ADAMTS12: variants seen among roughly 807,000 people sequenced by gnomAD.
ADAMTS12 encodes the protein ADAM metallopeptidase with thrombospondin type 1 motif 12, also known as A disintegrin and metalloproteinase with thrombospondin motifs 12.
ADAMTS12 carries 118 observed loss-of-function variants against 167.8 expected under a neutral mutation model. The observed-to-expected ratio is 0.70, with a 90% confidence interval of 0.61 to 0.82. The LOEUF (loss-of-function observed/expected upper bound fraction) is 0.82. Among genes scored for constraint, ADAMTS12 ranks in the 40% least tolerant of loss-of-function variants. The pLI is 0.00. For synonymous variants in ADAMTS12, 704 were observed against 716.9 expected (o/e 0.98, Z 0.29); for missense variants, 1,916 against 1,998.8 (o/e 0.96, Z 0.79).
At chr5:33,632,612 T>C (rs6897038) in intron 12 of ADAMTS12, among the ~76,000 whole-genome samples, 119,775 of 152,092 alleles carry the variant, frequency 0.79, 48,670 homozygotes, top group Non-Finnish European at 0.89. Flanking sequence ...GCTCCATTTC[T>C]GGTAGCACGA....
rs572512475 is a variant in ADAMTS12 at position 33,799,371 on chromosome 5, C to A, written c.490-47823G>T. Among the ~76,000 whole-genome samples, 5 of 152,284 alleles carry A rather than the reference C, an allele frequency of 3.3e-5. No individual in the cohort carries two copies. The South Asian group carries it at 1.0e-3, about 32-fold the overall frequency. ...CTCACTGAGACTCATTCTACCTCAC[C>A]CTTTCCCAAGGGGCTGCTCATACTT... On this transcript the variant is annotated intron_variant, in intron 2 of 23. Transcript: ENST00000504830.
chr5:33,823,774 G>A lies in ADAMTS12; in HGVS notation c.489+57345C>T, dbSNP rs540732239. Among the ~76,000 whole-genome samples, 11 of 151,402 alleles carry A rather than the reference G, an allele frequency of 7.3e-5. No homozygotes were observed. The South Asian group carries it at 8.3e-4, about 11-fold the overall frequency. ...CAAATAAAATATGTTGTATGTCTTC[G>A]TTAATCCGTTTCAGAATGACCCTTG... On this transcript the variant is annotated intron_variant, in intron 2 of 23. Coordinates refer to ENST00000504830, the MANE Select transcript of ADAMTS12 (RefSeq NM_030955.4).
intron 2 of ADAMTS12, among the ~76,000 whole-genome samples, chr5:33,872,563 G>A (rs80089642): frequency 6.7e-6 from 1 of 149,346 alleles, no homozygotes. Context: ...AAAAAAGAAA[G>A]AAAGAAAAGA....
intron 2 of ADAMTS12, among the ~76,000 whole-genome samples, chr5:33,769,935 T>C (rs909766514): frequency 6.6e-5 from 10 of 152,212 alleles, no homozygotes; most frequent in African/African-American, 1.9e-4. Context: ...AGGTAAAGTA[T>C]GTATATACCC....
chr5:33,832,373 A>G (rs1407553464), intron 2 of ADAMTS12, among the ~76,000 whole-genome samples: 1 of 152,192 alleles, frequency 6.6e-6, no homozygotes, highest in African/African-American at 2.4e-5. Flanking sequence ...GAACAACCCA[A>G]TAAATAACTG....
At chr5:33,614,429 C>T in intron 15 of ADAMTS12, 53 bp from the exon 16 acceptor site, 1 of 1,595,390 alleles carries the variant, frequency 6.3e-7, no homozygotes, top group Non-Finnish European at 8.6e-7. Context: ...ATACCATAAG[C>T]CAGTCATGTA....
chr5:33,706,626 T>C (rs1018325948), intron 3 of ADAMTS12, among the ~76,000 whole-genome samples: 6 of 152,200 alleles, frequency 3.9e-5, no homozygotes, highest in African/African-American at 1.4e-4. Flanking sequence ...TCTTTCTCTT[T>C]TAATTGGGGC....
intron 2 of ADAMTS12, among the ~76,000 whole-genome samples, chr5:33,850,740 T>A (rs1231981398): frequency 6.6e-6 from 1 of 152,100 alleles, no homozygotes; most frequent in Non-Finnish European, 1.5e-5. Flanking sequence ...AAGAGAGAGT[T>A]TTTTCCCATC....
intron 2 of ADAMTS12, among the ~76,000 whole-genome samples, chr5:33,776,685 C>T (rs1055954996): frequency 1.1e-4 from 17 of 151,052 alleles, no homozygotes; most frequent in African/African-American, 3.6e-4. Flanking sequence ...AAATTAAGTT[C>T]GAAGTTAACA....
chr5:33,694,283 C>T (rs1173178646), intron 3 of ADAMTS12, among the ~76,000 whole-genome samples: 1 of 152,164 alleles, frequency 6.6e-6, no homozygotes, highest in African/African-American at 2.4e-5. Flanking sequence ...TAATGTCTGA[C>T]TTTATAACAG....
At chr5:33,797,847 C>G (rs781387500) in intron 2 of ADAMTS12, among the ~76,000 whole-genome samples, 58 of 152,166 alleles carry the variant, frequency 3.8e-4, no homozygotes, top group Admixed American at 1.7e-3. Context: ...AAATATGCTA[C>G]ACAAACATAT....
intron 2 of ADAMTS12, among the ~76,000 whole-genome samples, chr5:33,760,352 A>C (rs915934567): frequency 6.6e-6 from 1 of 152,018 alleles, no homozygotes; most frequent in Non-Finnish European, 1.5e-5. Flanking sequence ...AGCTTGGCAG[A>C]CTAGGACGAT....
At chr5:33,777,571 G>A (rs929417632) in intron 2 of ADAMTS12, among the ~76,000 whole-genome samples, 1 of 151,950 alleles carries the variant, frequency 6.6e-6, no homozygotes, top group Non-Finnish European at 1.5e-5. Context: ...TCAGCTAACA[G>A]ACTAAATGGT....
chr5:33,574,518 G>A lies in ADAMTS12; in HGVS notation c.3972+1536C>T, dbSNP rs369660548. Among the ~76,000 whole-genome samples, 12 of 149,246 alleles carry A rather than the reference G, an allele frequency of 8.0e-5. No homozygotes were observed. In the East Asian group the frequency reaches 1.2e-3, roughly 15 times the overall value. On this transcript the variant is annotated intron_variant, in intron 19 of 23. Coordinates refer to ENST00000504830, the MANE Select transcript of ADAMTS12 (RefSeq NM_030955.4). ...AAGGACAAAAAACCAAACACCGCAT[G>A]TTCTCACTCATAGATGGGAATTGAA... is the stretch of plus-strand genomic sequence containing the variant.
At chr5:33,823,548 G>A (rs533680123) in intron 2 of ADAMTS12, among the ~76,000 whole-genome samples, 6 of 152,220 alleles carry the variant, frequency 3.9e-5, no homozygotes, top group Non-Finnish European at 7.4e-5. Flanking sequence ...GTAGTGGTGG[G>A]AGCTACAGTG....
chr5:33,582,802 T>C (rs1440386463), intron 18 of ADAMTS12, among the ~76,000 whole-genome samples: 1 of 152,240 alleles, frequency 6.6e-6, no homozygotes, highest in African/African-American at 2.4e-5. Flanking sequence ...ACGTAACTTT[T>C]GCTATAAAAA....
intron 15 of ADAMTS12, among the ~76,000 whole-genome samples, chr5:33,615,145 T>C (rs1738933969): frequency 6.6e-6 from 1 of 152,186 alleles, no homozygotes; most frequent in Non-Finnish European, 1.5e-5. Flanking sequence ...GGGATTCCCA[T>C]GTGTTAATCC....
At chr5:33,857,817 T>A (rs909453298) in intron 2 of ADAMTS12, among the ~76,000 whole-genome samples, 1 of 152,208 alleles carries the variant, frequency 6.6e-6, no homozygotes, top group Non-Finnish European at 1.5e-5. Context: ...TGTATAGCAA[T>A]CCCAAATGTA....
chr5:33,801,753 A>G (rs76698411), intron 2 of ADAMTS12, among the ~76,000 whole-genome samples: 2,255 of 152,320 alleles, frequency 0.015, 65 homozygotes, highest in African/African-American at 0.052. Context: ...GACATCAGAC[A>G]GCGAAGCAAC....
Sources: allele counts gnomAD v4.1 joint callset (sites outside exome capture counted in the v4.1 genomes callset), GRCh38; gene constraint gnomAD v4.1.1; transcripts MANE v1.5; gene names NCBI Gene and HGNC (gene_info 2026-07-23, HGNC 2026-07-21).